LETM1: variants seen among roughly 807,000 people sequenced by gnomAD.
The protein encoded by LETM1 is leucine zipper and EF-hand containing transmembrane protein 1.
In LETM1, 50 loss-of-function variants were observed where a neutral mutation model predicts 74.5. The ratio of observed to expected loss-of-function variants is 0.67; its 90% confidence interval spans 0.53 to 0.85. The LOEUF is 0.85. Among genes scored for constraint, LETM1 ranks in the 40% least tolerant of loss-of-function variants. The pLI is 0.00. For missense variants in LETM1, 824 were observed against 967.8 expected, an observed-to-expected ratio of 0.85 and a Z score of 1.97; for synonymous variants, 446 against 407.1, an observed-to-expected ratio of 1.10 and a Z score of -1.15.
chr4:1,821,328 G>A (rs1164893855), intron 10 of LETM1, among the ~76,000 whole-genome samples: 8 of 150,652 alleles, frequency 5.3e-5, no homozygotes, highest in South Asian at 4.3e-4. Context: ...TCCTGACCCC[G>A]TGATCCGCCC....
chr4:1,841,602 A>G lies in LETM1; in HGVS notation c.339T>C (p.Pro113=), dbSNP rs1712696878. ...TCTCTACTACCGAGTCATCGCGAAC[A>G]GGGCGCGAAGAGTGCCAGCCACGCA... The part of the protein sequence containing the change: ...LPVRGWHSSR[P]VRDDSVVEKS... The change falls in exon 3 of 14, where the codon CCT becomes CCC. Residue 113 remains proline, a synonymous_variant. Coordinates refer to ENST00000302787, the MANE Select transcript of LETM1 (RefSeq NM_012318.3). 6.2e-7 allele frequency: 1 copy of G among 1,614,206 alleles called. No homozygotes were observed.
intron 6 of LETM1, 32 bp from the exon 7 acceptor site, chr4:1,825,715 G>T (rs781221693): frequency 6.3e-7 from 1 of 1,584,872 alleles, no homozygotes; most frequent in Non-Finnish European, 8.6e-7. Flanking sequence ...TATCATCTGG[G>T]ACAGTTGCTG....
At chr4:1,839,196 C>T (rs1712598937) in intron 3 of LETM1, 1 of 152,174 alleles carries the variant, frequency 6.6e-6, no homozygotes, top group Admixed American at 6.6e-5. Flanking sequence ...AACCAGGAGC[C>T]CCGAGAGCCT....
intron 11 of LETM1, 88 bp from the exon 12 acceptor site, chr4:1,817,002 T>C: frequency 5.3e-6 from 6 of 1,132,296 alleles, no homozygotes; most frequent in Non-Finnish European, 7.7e-6. Flanking sequence ...TCCCAGTACT[T>C]TGCAAGGCCA....
chr4:1,814,372 C>A lies in LETM1; in HGVS notation c.*52G>T, dbSNP rs1722548991. The A allele has an allele frequency of 1.1e-5, 18 of 1,612,614 alleles. No homozygotes were observed. The highest frequency in any genetic ancestry group is 1.7e-5 in the Admixed American group (1 of 59,984). On this transcript the variant is annotated 3_prime_UTR_variant, in exon 14 of 14. Transcript: ENST00000302787. ...CACCACAAAGCAATCGCCCTCACGG[C>A]CCTTGCCAGGGTGACGGCACAGCAG... is the stretch of plus-strand genomic sequence containing the variant.
chr4:1,837,835 T>G (rs1328498153), intron 3 of LETM1, among the ~76,000 whole-genome samples: 1 of 151,698 alleles, frequency 6.6e-6, no homozygotes, highest in Non-Finnish European at 1.5e-5. Flanking sequence ...CCAGAGTAGC[T>G]GGGATTACAG....
chr4:1,818,624 AAAAG>A lies in LETM1; in HGVS notation c.1743+710_1743+713del, dbSNP rs564116512. On this transcript the variant is annotated intron_variant, in intron 11 of 13. Coordinates refer to ENST00000302787, the MANE Select transcript of LETM1 (RefSeq NM_012318.3). ...CTAGACTTCGTCTCAAAAAAAGAAAAAAAGAAAGAAAGAAAGAAAAAAAATCGTT... is the reference window on the plus strand; with the variant it reads ...CTAGACTTCGTCTCAAAAAAAGAAAAAAAGAAAGAAAGAAAAAAAATCGTT... Among the ~76,000 whole-genome samples the A allele has an allele frequency of 9.2e-5, 14 of 152,126 alleles. No homozygotes were observed. The South Asian group carries it at 1.5e-3, about 16-fold the overall frequency.
chr4:1,854,922 G>A (rs1386822436), intron 1 of LETM1, among the ~76,000 whole-genome samples: 2 of 150,444 alleles, frequency 1.3e-5, no homozygotes, highest in Non-Finnish European at 3.0e-5. Context: ...TGGGCATGGT[G>A]GCTCCTGTAA....
chr4:1,816,204 C>A (rs1711564470), intron 12 of LETM1, among the ~76,000 whole-genome samples: 1 of 150,598 alleles, frequency 6.6e-6, no homozygotes, highest in African/African-American at 2.4e-5. Flanking sequence ...GTGCCACGTG[C>A]AGCCCACCTA....
At chr4:1,824,459 C>G (rs2108839706) in intron 7 of LETM1, among the ~76,000 whole-genome samples, 1 of 152,292 alleles carries the variant, frequency 6.6e-6, no homozygotes, top group African/African-American at 2.4e-5. Context: ...AACACCAAGA[C>G]AATCTCCAAA....
At chr4:1,815,473 A>G (rs1237140493) in intron 13 of LETM1, among the ~76,000 whole-genome samples, 191 bp downstream of exon 13, 1 of 152,216 alleles carries the variant, frequency 6.6e-6, no homozygotes. Flanking sequence ...TGTAACTTCA[A>G]TAATTTCTCA....
chr4:1,845,539 CTTTTT>C lies in LETM1; in HGVS notation c.143+3605_143+3609del, dbSNP rs565953029. Among the ~76,000 whole-genome samples, 220 of 137,428 alleles carry C rather than the reference CTTTTT, an allele frequency of 1.6e-3. 2 individuals are homozygous for C. Among genetic ancestry groups the C allele is most frequent in the Admixed American group, 4.9e-3 (67 of 13,650 alleles). The allele number at this position is 137,428 out of a possible 152,430, so 90.2% of individuals were successfully genotyped here. A position where few individuals can be genotyped will look rare whatever the true frequency, so the allele number is the denominator to read the frequency against. On this transcript the variant is annotated intron_variant, in intron 2 of 13. Transcript: ENST00000302787. Reference sequence around the variant, plus strand: ...TTACCACCATCCATAATTCTTTTTTCTTTTTTTTTTCTTTTTTTTTTTTTTCGAGA... The same window carrying C: ...TTACCACCATCCATAATTCTTTTTTCTTTTTCTTTTTTTTTTTTTTCGAGA...
At position 1,841,615 on chromosome 4, in the gene LETM1, T is replaced by C. The variant is rs62623389; in HGVS notation, c.326A>G (p.His109Arg). The C allele has an allele frequency of 0.019, 31,110 of 1,613,464 alleles. 374 individuals are homozygous for C. The highest frequency in any genetic ancestry group is 0.022 in the Non-Finnish European group (25,753 of 1,179,932). ...GTCATCGCGAACAGGGCGCGAAGAG[T>C]GCCAGCCACGCACAGGAAGGCACTG... Reference protein sequence around the residue: ...GPQCLPVRGWHSSRPVRDDSV... With the variant: ...GPQCLPVRGWRSSRPVRDDSV... The change falls in exon 3 of 14, where the codon CAC (histidine) becomes CGC (arginine). Residue 109 changes from histidine (H) to arginine (R), a missense_variant. By Grantham distance (29) the His-to-Arg change is conservative. Coordinates refer to ENST00000302787, the MANE Select transcript of LETM1 (RefSeq NM_012318.3).
Position 1,841,497 on chromosome 4 carries a change from C to T in LETM1, c.444G>A (p.Val148=), listed in dbSNP as rs1337571536. 6.2e-7 allele frequency: 1 copy of T among 1,614,142 alleles called. No homozygotes were observed. The highest frequency in any genetic ancestry group is 1.3e-5 in the African/African-American group (1 of 74,942). ...GPVYSPPAEV[V]VKKSLGQRVL... ...CCCGCTGCCCCAGGGACTTCTTCACCACCACCTCTGCGGGGGGGCTGTACA... is the reference window on the plus strand; with the variant it reads ...CCCGCTGCCCCAGGGACTTCTTCACTACCACCTCTGCGGGGGGGCTGTACA... Residue 148 remains valine (V), a synonymous_variant, in exon 3 of 14, where the codon GTG becomes GTA. Coordinates refer to ENST00000302787, the MANE Select transcript of LETM1 (RefSeq NM_012318.3).
At chr4:1,831,998 A>G (rs1428544029) in intron 6 of LETM1, among the ~76,000 whole-genome samples, 1 of 152,184 alleles carries the variant, frequency 6.6e-6, no homozygotes, top group Non-Finnish European at 1.5e-5. Context: ...AAGAGCTCCT[A>G]GTATGAATAA....
chr4:1,831,567 G>C (rs946375882), intron 6 of LETM1, among the ~76,000 whole-genome samples: 4 of 152,254 alleles, frequency 2.6e-5, no homozygotes, highest in African/African-American at 9.6e-5. Flanking sequence ...TGTCAGATGA[G>C]AGGAAAGCTC....
intron 5 of LETM1, chr4:1,833,797 C>G (rs1271471659): frequency 6.6e-6 from 1 of 152,450 alleles, no homozygotes; most frequent in Admixed American, 6.5e-5. Flanking sequence ...TCGTAACATG[C>G]AGGATGCCAG....
At chr4:1,817,245 C>CA (rs60805612) in intron 11 of LETM1, among the ~76,000 whole-genome samples, 801 of 65,976 alleles carry the variant, frequency 0.012, 12 homozygotes, top group African/African-American at 0.03. Context: ...ACTCTGTCTC[C>CA]AAAAAAAAAA....
At chr4:1,816,316 T>A (rs1577308111) in intron 12 of LETM1, among the ~76,000 whole-genome samples, 1 of 152,120 alleles carries the variant, frequency 6.6e-6, no homozygotes, top group Non-Finnish European at 1.5e-5. Flanking sequence ...AAACGGCAGC[T>A]CCCTCAGCCA....
Sources: gnomAD v4.1 joint callset for allele counts (sites outside exome capture counted in the v4.1 genomes callset) on GRCh38, gnomAD v4.1.1 for gene constraint, MANE v1.5 for transcripts, NCBI Gene and HGNC (gene_info 2026-07-23, HGNC 2026-07-21) for gene names.